The following CHN2 variants were observed in gnomAD, a reference collection of about 807,000 sequenced individuals.
CHN2 encodes the protein beta-chimaerin.
CHN2 carries 35 observed loss-of-function variants against 56.3 expected under a neutral mutation model. That is an observed-to-expected ratio of 0.62 (90% CI 0.47 to 0.82). The LOEUF is 0.82. CHN2 is among the 40% of genes least tolerant of loss of function. The pLI is 0.00. For synonymous variants in CHN2, 210 were observed against 212.8 expected (o/e 0.99, Z 0.12); for missense variants, 491 against 580.5 (o/e 0.85, Z 1.58).
intron 1 of CHN2, among the ~76,000 whole-genome samples, chr7:29,220,121 G>T (rs908367107): frequency 2.6e-5 from 4 of 151,538 alleles, no homozygotes; most frequent in Non-Finnish European, 5.9e-5. Context: ...GAAAATAAAT[G>T]ATTCAAACCT....
chr7:29,298,341 C>G lies in CHN2; in HGVS notation c.50-56284C>G, dbSNP rs140748716. On this transcript the variant is annotated intron_variant, in intron 1 of 12. Coordinates refer to ENST00000222792, the MANE Select transcript of CHN2 (RefSeq NM_004067.4). ...CCAGTTTCCCCCGTCCCCCCTCCCC[C>G]GCGACCAGGGCTTTGACCCGAAGCT... is the stretch of plus-strand genomic sequence containing the variant. 2.3e-3 allele frequency among the ~76,000 whole-genome samples: 355 copies of G among 152,222 alleles called. 1 individual carries two copies. The highest frequency in any genetic ancestry group is 8.2e-3 in the African/African-American group (342 of 41,536).
At chr7:29,287,103 G>C (rs1482899894) in intron 1 of CHN2, among the ~76,000 whole-genome samples, 1 of 152,006 alleles carries the variant, frequency 6.6e-6, no homozygotes, top group African/African-American at 2.4e-5. Flanking sequence ...ACTTTATACG[G>C]GTATGCAGCT....
At chr7:29,358,536 C>T (rs1310965381) in intron 2 of CHN2, among the ~76,000 whole-genome samples, 1 of 152,050 alleles carries the variant, frequency 6.6e-6, no homozygotes, top group East Asian at 1.9e-4. Context: ...TATCTCAGCT[C>T]ACTGCAAGCC....
chr7:29,231,336 A>G lies in CHN2; in HGVS notation c.49+36346A>G, dbSNP rs1786689619. ...GGAGAGTGCGGTGAAATGAGCAAAA[A>G]TTCATCCCCGGTAGGAGAAAAGGTG... On this transcript the variant is annotated intron_variant, in intron 1 of 12. Coordinates refer to ENST00000222792, the MANE Select transcript of CHN2 (RefSeq NM_004067.4). Among the ~76,000 whole-genome samples the G allele has an allele frequency of 2.0e-5, 3 of 152,128 alleles. No individual in the cohort carries two copies. In the South Asian group the frequency reaches 6.2e-4, roughly 32 times the overall value.
intron 1 of CHN2, among the ~76,000 whole-genome samples, chr7:29,313,734 C>CCTT (rs767112414): frequency 3.6e-4 from 55 of 152,190 alleles, no homozygotes; most frequent in Non-Finnish European, 7.2e-4. Context: ...CTTGTTTTCT[C>CCTT]CTTCTTCTCC....
At chr7:29,169,513 G>T (rs1458559620) in intron 2 of CHN2, among the ~76,000 whole-genome samples, 1 of 152,046 alleles carries the variant, frequency 6.6e-6, no homozygotes, top group Non-Finnish European at 1.5e-5. Flanking sequence ...TTTTGTTATT[G>T]TTATATTATC....
At chr7:29,147,635 A>G (rs940041) in intron 2 of CHN2, among the ~76,000 whole-genome samples, 14,601 of 152,140 alleles carry the variant, frequency 0.096, 1,601 homozygotes, top group African/African-American at 0.24. Context: ...ATTCTTTGCT[A>G]TCATACCTTC....
intron 1 of CHN2, among the ~76,000 whole-genome samples, chr7:29,220,969 C>T (rs1462257566): frequency 6.6e-6 from 1 of 152,088 alleles, no homozygotes; most frequent in Admixed American, 6.6e-5. Context: ...GTTGATTTAA[C>T]ATTTAAAAAC....
chr7:29,283,254 C>T lies in CHN2; in HGVS notation c.50-71371C>T, dbSNP rs1165760599. Reference sequence around the variant, plus strand: ...GTATTAACTTGTTTAGCTGCCTTAGCAACCCCTTGAGAAATCATTTTCCCC... The same window carrying T: ...GTATTAACTTGTTTAGCTGCCTTAGTAACCCCTTGAGAAATCATTTTCCCC... On this transcript the variant is annotated intron_variant, in intron 1 of 12. Transcript: ENST00000222792. 2.0e-5 allele frequency among the ~76,000 whole-genome samples: 3 copies of T among 152,216 alleles called. No individual in the cohort carries two copies. In the East Asian group the frequency reaches 5.8e-4, roughly 29 times the overall value.
At chr7:29,405,177 AC>A (rs1802538801) in intron 6 of CHN2, among the ~76,000 whole-genome samples, 1 of 80,000 alleles carries the variant, frequency 1.3e-5, no homozygotes, top group African/African-American at 7.7e-5. Flanking sequence ...ACACACACAC[AC>A]ACACACACAC....
At chr7:29,463,730 G>C (rs1024489681) in intron 6 of CHN2, among the ~76,000 whole-genome samples, 1 of 152,146 alleles carries the variant, frequency 6.6e-6, no homozygotes, top group African/African-American at 2.4e-5. Context: ...GGAATGCTGG[G>C]ATTCAGATGA....
intron 1 of CHN2, among the ~76,000 whole-genome samples, chr7:29,241,319 G>C (rs1445173762): frequency 1.3e-5 from 2 of 152,074 alleles, no homozygotes; most frequent in East Asian, 1.9e-4. Context: ...GGGGAAACAG[G>C]GTCTCTCACT....
intron 2 of CHN2, among the ~76,000 whole-genome samples, chr7:29,159,415 A>G (rs1794877286): frequency 6.6e-6 from 1 of 152,228 alleles, no homozygotes; most frequent in Non-Finnish European, 1.5e-5. Context: ...AATGTTTTGG[A>G]TGGCAGTATT....
intron 7 of CHN2, among the ~76,000 whole-genome samples, chr7:29,494,652 A>G (rs917151043): frequency 5.9e-5 from 9 of 152,198 alleles, no homozygotes; most frequent in African/African-American, 2.2e-4. Flanking sequence ...GGCAGTTTGC[A>G]TATGATAAAC....
At chr7:29,440,366 A>C (rs1317631741) in intron 6 of CHN2, among the ~76,000 whole-genome samples, 1 of 152,160 alleles carries the variant, frequency 6.6e-6, no homozygotes, top group Non-Finnish European at 1.5e-5. Context: ...GCTTGAATGC[A>C]CAATGGTTAT....
chr7:29,393,989 T>A (rs1801547865), intron 4 of CHN2, among the ~76,000 whole-genome samples: 1 of 152,202 alleles, frequency 6.6e-6, no homozygotes, highest in Admixed American at 6.5e-5. Flanking sequence ...GAAGGCAGCA[T>A]TTTTCATAAT....
intron 6 of CHN2, among the ~76,000 whole-genome samples, chr7:29,413,990 C>T (rs1228801021): frequency 3.3e-5 from 5 of 152,180 alleles, no homozygotes; most frequent in Admixed American, 2.0e-4. Context: ...CACATGCCTG[C>T]CTCTGTGATT....
At chr7:29,341,652 C>T (rs529134662) in intron 1 of CHN2, among the ~76,000 whole-genome samples, 1 of 152,216 alleles carries the variant, frequency 6.6e-6, no homozygotes, top group South Asian at 2.1e-4. Context: ...TGAGATTTTA[C>T]TTTATTTGTT....
intron 1 of CHN2, among the ~76,000 whole-genome samples, chr7:29,262,995 A>C (rs1395122748): frequency 6.6e-6 from 1 of 152,136 alleles, no homozygotes; most frequent in Non-Finnish European, 1.5e-5. Context: ...ATTTAAAATA[A>C]GAATCCCTTC....
Sources: gnomAD v4.1 joint callset for allele counts (sites outside exome capture counted in the v4.1 genomes callset) on GRCh38, gnomAD v4.1.1 for gene constraint, MANE v1.5 for transcripts, NCBI Gene and HGNC (gene_info 2026-07-23, HGNC 2026-07-21) for gene names.